The following SLC44A1 variants were observed in gnomAD, a reference collection of about 807,000 sequenced individuals.
The protein encoded by SLC44A1 is solute carrier family 44 member 1, also known as choline transporter-like protein 1.
In SLC44A1, 26 loss-of-function variants were observed where a neutral mutation model predicts 79.3. The observed-to-expected ratio is 0.33, with a 90% CI of 0.24 to 0.46. SLC44A1 has a LOEUF of 0.46. SLC44A1 is among the 20% of genes least tolerant of loss of function. SLC44A1 has a pLI of 1.00. For synonymous variants in SLC44A1, 263 were observed against 286.2 expected (o/e 0.92, Z 0.82); for missense variants, 688 against 798.1 (o/e 0.86, Z 1.66).
chr9:105,366,351 T>C lies in SLC44A1; in HGVS notation c.1416T>C (p.Asn472=). ...TCCATTTTTCCCCCATCCAGGAAAA[T>C]GCTTGTGCACGATGTGTGCTGAAAT... ...YIHSQLKGKE[N]ACARCVLKSC... Residue 472 remains asparagine (N), a synonymous_variant, in exon 12 of 16, where the codon AAT becomes AAC. Transcript: ENST00000374720. 6.7e-7 allele frequency: 1 copy of C among 1,482,222 alleles called. No homozygotes were observed. The highest frequency in any genetic ancestry group is 9.0e-7 in the Non-Finnish European group (1 of 1,114,414). 91.8% of individuals were successfully genotyped at this position (1,482,222 alleles called of 1,614,324 possible).
chr9:105,425,263 C>T (rs1829306210), intron 15 of SLC44A1, among the ~76,000 whole-genome samples: 1 of 152,080 alleles, frequency 6.6e-6, no homozygotes, highest in Non-Finnish European at 1.5e-5. Flanking sequence ...TTGTACTACA[C>T]AGTACTAAGC....
At chr9:105,425,316 G>A (rs1450818462) in intron 15 of SLC44A1, among the ~76,000 whole-genome samples, 1 of 152,160 alleles carries the variant, frequency 6.6e-6, no homozygotes, top group Non-Finnish European at 1.5e-5. Context: ...CAGTTTGAAG[G>A]GGGAAACAGG....
In SLC44A1 at chr9:105,389,405, A is replaced by T; in HGVS notation, c.*349A>T. The T allele has an allele frequency of 9.6e-7, 1 of 1,043,262 alleles. No individual in the cohort carries two copies. Among genetic ancestry groups the T allele is most frequent in the Non-Finnish European group, 1.2e-6 (1 of 865,244 alleles). The allele number at this position is 1,043,262 out of a possible 1,614,324, so 64.6% of individuals were successfully genotyped here. A position where few individuals can be genotyped will look rare whatever the true frequency, so the allele number is the denominator to read the frequency against. On this transcript the variant is annotated 3_prime_UTR_variant, in exon 16 of 16. Coordinates refer to ENST00000374720, the MANE Select transcript of SLC44A1 (RefSeq NM_080546.5). Reference sequence around the variant, plus strand: ...TAGAGGAGATTTTAACTTTATTTAAAAATAGGTAAAATTATTGTACCTAAT... The same window carrying T: ...TAGAGGAGATTTTAACTTTATTTAATAATAGGTAAAATTATTGTACCTAAT...
intron 12 of SLC44A1, 100 bp from the exon 13 acceptor site, chr9:105,374,498 T>C: frequency 8.6e-7 from 1 of 1,167,802 alleles, no homozygotes; most frequent in Non-Finnish European, 1.2e-6. Context: ...TGTGTTTGAC[T>C]GAAATATTTT....
At chr9:105,331,370 G>A (rs950998996) in intron 3 of SLC44A1, among the ~76,000 whole-genome samples, 1 of 152,160 alleles carries the variant, frequency 6.6e-6, no homozygotes, top group African/African-American at 2.4e-5. Flanking sequence ...TGGATACTGC[G>A]TGTTACCCTC....
chr9:105,250,465 T>C (rs540067600), intron 1 of SLC44A1, among the ~76,000 whole-genome samples: 3 of 152,234 alleles, frequency 2.0e-5, no homozygotes, highest in Non-Finnish European at 4.4e-5. Flanking sequence ...ATAGTTGTTT[T>C]TCTATGCTCC....
intron 3 of SLC44A1, among the ~76,000 whole-genome samples, chr9:105,316,908 T>C (rs771374850): frequency 5.9e-5 from 9 of 152,254 alleles, no homozygotes; most frequent in African/African-American, 9.6e-5. Flanking sequence ...TCATTGCTTT[T>C]AACAACGAAG....
At chr9:105,277,378 A>G (rs1318480393) in intron 1 of SLC44A1, among the ~76,000 whole-genome samples, 1 of 152,134 alleles carries the variant, frequency 6.6e-6, no homozygotes, top group East Asian at 1.9e-4. Flanking sequence ...AATGATTTAA[A>G]CTTTTCAGTG....
chr9:105,360,038 A>G (rs377760601), intron 7 of SLC44A1, among the ~76,000 whole-genome samples: 44 of 152,276 alleles, frequency 2.9e-4, no homozygotes, highest in African/African-American at 9.4e-4. Context: ...ACTGTGACCT[A>G]CAAGGCCTTA....
intron 4 of SLC44A1, among the ~76,000 whole-genome samples, chr9:105,336,691 A>T (rs1258829205): frequency 6.6e-6 from 1 of 151,850 alleles, no homozygotes; most frequent in Admixed American, 6.6e-5. Flanking sequence ...GCATGGAACC[A>T]TAGCTCTACA....
At chr9:105,263,629 G>C (rs996354063) in intron 1 of SLC44A1, among the ~76,000 whole-genome samples, 1 of 150,152 alleles carries the variant, frequency 6.7e-6, no homozygotes, top group Admixed American at 6.7e-5. Context: ...TCCACCTCCC[G>C]GGTTCAAGTG....
intron 1 of SLC44A1, among the ~76,000 whole-genome samples, chr9:105,294,104 A>C (rs560214921): frequency 6.6e-6 from 1 of 152,330 alleles, no homozygotes; most frequent in East Asian, 1.9e-4. Flanking sequence ...GTAGTATTAG[A>C]AATTGTAATT....
At chr9:105,345,279 G>T (rs1426086568) in intron 4 of SLC44A1, among the ~76,000 whole-genome samples, 1 of 152,146 alleles carries the variant, frequency 6.6e-6, no homozygotes, top group African/African-American at 2.4e-5. Flanking sequence ...CTCTTGAATG[G>T]TATAGGAAAA....
chr9:105,267,424 C>A (rs1333362873), intron 1 of SLC44A1, among the ~76,000 whole-genome samples: 2 of 151,990 alleles, frequency 1.3e-5, no homozygotes, highest in East Asian at 1.9e-4. Context: ...TTTCTTAATT[C>A]TTTCTTGGAT....
intron 2 of SLC44A1, among the ~76,000 whole-genome samples, chr9:105,301,571 CTT>C (rs905388100): frequency 1.3e-5 from 2 of 152,136 alleles, no homozygotes; most frequent in African/African-American, 4.8e-5. Context: ...ATTTCTCTCT[CTT>C]TGGATTTCAT....
chr9:105,335,852 G>A (rs1826900905), intron 4 of SLC44A1, among the ~76,000 whole-genome samples, 153 bp downstream of exon 4: 1 of 152,128 alleles, frequency 6.6e-6, no homozygotes, highest in African/African-American at 2.4e-5. Context: ...GTCACCCAGG[G>A]AGCTTGTTAA....
In SLC44A1 at chr9:105,396,934, C is replaced by T. The variant is rs1466570208; in HGVS notation, c.*7878C>T. ...ATGTGGGGGAACAAACATGTAGGTGCTTGAACATGCCCCACAGACACAGTT... is the reference window on the plus strand; with the variant it reads ...ATGTGGGGGAACAAACATGTAGGTGTTTGAACATGCCCCACAGACACAGTT... On this transcript the variant is annotated 3_prime_UTR_variant, in exon 16 of 16. Coordinates refer to ENST00000374720, the MANE Select transcript of SLC44A1 (RefSeq NM_080546.5). 1 of 984,950 alleles carries T rather than the reference C, an allele frequency of 1.0e-6. No homozygotes were observed. Among genetic ancestry groups the T allele is most frequent in the Non-Finnish European group, 1.2e-6 (1 of 829,692 alleles). The allele number at this position is 984,950 out of a possible 1,614,324, so 61.0% of individuals were successfully genotyped here.
rs1355884275 is a variant in SLC44A1 at position 105,297,918 on chromosome 9, C to A, written c.37-1302C>A. 2.0e-5 allele frequency among the ~76,000 whole-genome samples: 3 copies of A among 152,094 alleles called. No homozygotes were observed. In the East Asian group the frequency reaches 5.8e-4, roughly 29 times the overall value. On this transcript the variant is annotated intron_variant, in intron 1 of 15. Coordinates refer to ENST00000374720, the MANE Select transcript of SLC44A1 (RefSeq NM_080546.5). ...TCACGGAAGCCACTGGAGGCCTGAA[C>A]CTTCTCAGAGGAACCTTTCCCATAG...
At chr9:105,308,895 C>T (rs564439105) in intron 2 of SLC44A1, among the ~76,000 whole-genome samples, 12 of 152,294 alleles carry the variant, frequency 7.9e-5, no homozygotes, top group South Asian at 4.2e-4. Flanking sequence ...TGCTGTCAAG[C>T]GTAGGCTTTT....
Sources: allele counts gnomAD v4.1 joint callset (sites outside exome capture counted in the v4.1 genomes callset), GRCh38; gene constraint gnomAD v4.1.1; transcripts MANE v1.5; gene names NCBI Gene and HGNC (gene_info 2026-07-23, HGNC 2026-07-21).